ZC3HC1: variants seen among roughly 807,000 people sequenced by gnomAD.
ZC3HC1 encodes the protein zinc finger C3HC-type protein 1.
Under a neutral mutation model 61.9 loss-of-function variants are expected in ZC3HC1, and 38 were observed. That is an observed-to-expected ratio of 0.61 (90% CI 0.47 to 0.81). The LOEUF (loss-of-function observed/expected upper bound fraction) is 0.81, where lower values mean the gene tolerates loss of function less well. ZC3HC1 is among the 30% of genes least tolerant of loss of function. ZC3HC1 has a pLI of 0.00. For missense variants in ZC3HC1, 554 were observed against 622.7 expected, an observed-to-expected ratio of 0.89 and a Z score of 1.17; for synonymous variants, 213 against 229.9, an observed-to-expected ratio of 0.93 and a Z score of 0.67.
rs532921595 is a variant in ZC3HC1, at chr7:130,051,194, G to T, written c.146+27C>A. ...AAGCCTTCTTCAATCTTCCAACGCC[G>T]GACCCAGGGTTAACTCGTGAACTCA... On this transcript the variant is annotated intron_variant, in intron 1 of 9. Transcript: ENST00000358303. The T allele has an allele frequency of 2.0e-5, 31 of 1,570,608 alleles. No individual in the cohort carries two copies. The South Asian group carries it at 3.4e-4, about 17-fold the overall frequency.
intron 1 of ZC3HC1, chr7:130,050,357 C>G: frequency 1.4e-6 from 2 of 1,446,790 alleles, no homozygotes; most frequent in South Asian, 2.5e-5. Flanking sequence ...GGATTATAGG[C>G]GTGAGCCACC....
chr7:130,020,279 T>C (rs1194300841), intron 9 of ZC3HC1, among the ~76,000 whole-genome samples: 5 of 151,340 alleles, frequency 3.3e-5, no homozygotes, highest in South Asian at 2.1e-4. Flanking sequence ...TTTTTCTTTT[T>C]TTTTTTTTTT....
Position 130,039,477 on chromosome 7 carries a change from G to A in ZC3HC1, c.480C>T (p.Asp160=), listed in dbSNP as rs1794561294. The change falls in exon 4 of 10, where the codon GAC becomes GAT. Residue 160 remains aspartate, a synonymous_variant. Transcript: ENST00000358303. ...TAHEKFCFWP[D]SPSPDRFGML... is the part of the protein sequence containing the mutation. ...AAAAATAAGTACCTGGGGATGGGCT[G>A]TCTGGCCAGAAACAGAACTTCTCAT... The A allele has an allele frequency of 6.2e-7, 1 of 1,611,984 alleles. No individual in the cohort carries two copies. The highest frequency in any genetic ancestry group is 8.5e-7 in the Non-Finnish European group (1 of 1,179,434).
rs772552835 is a variant in ZC3HC1 at position 130,051,306 on chromosome 7, C to G, written c.61G>C (p.Val21Leu). ...GGGGTCCCTTCTGGGGAGCGAACTA[C>G]TGCACCCCAATTCTTTTCAACCCCT... The part of the protein sequence containing the change: ...AVGVEKNWGA[V>L]VRSPEGTPQK... The change falls in exon 1 of 10, where the codon GTA becomes CTA. Residue 21 changes from valine (V) to leucine (L), a missense_variant. Physicochemically the swap from Val to Leu is conservative, Grantham distance 32 (BLOSUM62 1). Coordinates refer to ENST00000358303, the MANE Select transcript of ZC3HC1 (RefSeq NM_016478.5). The G allele has an allele frequency of 3.1e-6, 5 of 1,613,360 alleles. No individual in the cohort carries two copies. In the South Asian group the frequency reaches 5.5e-5, roughly 18 times the overall value.
chr7:130,051,341 G>C lies in ZC3HC1; in HGVS notation c.26C>G (p.Ala9Gly), dbSNP rs774267581. MAAPCEGQ[A>G]FAVGVEKNWG... ...ATTCTTTTCAACCCCTACGGCAAAC[G>C]CTTGTCCCTCACAGGGCGCCGCCAT... Residue 9 changes from alanine (A) to glycine (G), a missense_variant, in exon 1 of 10, where the codon GCG (alanine) becomes GGG (glycine). Transcript: ENST00000358303. The C allele has an allele frequency of 6.2e-7, 1 of 1,613,124 alleles. No homozygotes were observed. The highest frequency in any genetic ancestry group is 1.1e-5 in the South Asian group (1 of 90,900).
chr7:130,048,302 A>G (rs1282855007), intron 2 of ZC3HC1, among the ~76,000 whole-genome samples: 1 of 151,926 alleles, frequency 6.6e-6, no homozygotes, highest in Non-Finnish European at 1.5e-5. Flanking sequence ...AGTGAGCACC[A>G]CCACACCTGG....
chr7:130,045,487 G>T (rs1234726148), intron 2 of ZC3HC1: 5 of 457,272 alleles, frequency 1.1e-5, no homozygotes, highest in Middle Eastern at 3.2e-4. Context: ...AACCTCTATG[G>T]TCTATAGGAG....
chr7:130,035,600 C>T (rs1436251996), intron 4 of ZC3HC1, among the ~76,000 whole-genome samples: 1 of 151,968 alleles, frequency 6.6e-6, no homozygotes, highest in Non-Finnish European at 1.5e-5. Flanking sequence ...CCTGCCTCAA[C>T]ATCCCCTAGT....
At chr7:130,038,308 G>A (rs1794501636) in intron 4 of ZC3HC1, among the ~76,000 whole-genome samples, 2 of 152,312 alleles carry the variant, frequency 1.3e-5, no homozygotes, top group South Asian at 4.1e-4. Context: ...TGCTGTGATA[G>A]TGTACTGTTT....
chr7:130,020,489 T>A (rs1793592031), intron 9 of ZC3HC1, among the ~76,000 whole-genome samples: 1 of 151,968 alleles, frequency 6.6e-6, no homozygotes, highest in African/African-American at 2.4e-5. Context: ...CTCGAACTCC[T>A]GACCTCAGGT....
intron 4 of ZC3HC1, among the ~76,000 whole-genome samples, chr7:130,038,731 G>A (rs796553988): frequency 2.0e-4 from 30 of 151,934 alleles, no homozygotes; most frequent in African/African-American, 7.2e-4. Flanking sequence ...GTGGCAGCGT[G>A]TACCTGTAAT....
chr7:130,031,772 G>A (rs1794206070), intron 4 of ZC3HC1, among the ~76,000 whole-genome samples: 1 of 152,166 alleles, frequency 6.6e-6, no homozygotes, highest in African/African-American at 2.4e-5. Flanking sequence ...TGATGCTGAG[G>A]TTCTGCACAA....
In ZC3HC1 at chr7:130,023,377, A is replaced by C. The variant is rs1399993586; in HGVS notation, c.1233+134T>G. On this transcript the variant is annotated intron_variant, in intron 8 of 9. Transcript: ENST00000358303. This position sits in a 1 kb window ranked among gnomAD's most constrained non-coding sequence, Gnocchi z 4.2. ...GACATTTTTTCCCTTTGGTCATCCAACTTTAAATTTATTCACATGGTCTAC... is the reference window on the plus strand; with the variant it reads ...GACATTTTTTCCCTTTGGTCATCCACCTTTAAATTTATTCACATGGTCTAC... 1.5e-5 allele frequency: 13 copies of C among 877,710 alleles called. 1 individual carries two copies. The Admixed American group carries it at 3.4e-4, about 23-fold the overall frequency. The allele number at this position is 877,710 out of a possible 1,614,324, so 54.4% of individuals were successfully genotyped here. A position where few individuals can be genotyped will look rare whatever the true frequency, so the allele number is the denominator to read the frequency against.
At chr7:130,037,123 C>A (rs1010808311) in intron 4 of ZC3HC1, among the ~76,000 whole-genome samples, 1 of 152,140 alleles carries the variant, frequency 6.6e-6, no homozygotes, top group Admixed American at 6.6e-5. Context: ...TTGGGAACCA[C>A]CAATAGAGCC....
At chr7:130,028,082 G>A (rs1262459324) in intron 5 of ZC3HC1, among the ~76,000 whole-genome samples, 3 of 129,414 alleles carry the variant, frequency 2.3e-5, no homozygotes, top group East Asian at 2.5e-4. Flanking sequence ...CAGAAGAATC[G>A]CTTGAACCCA....
At chr7:130,031,695 G>A (rs990240276) in intron 4 of ZC3HC1, among the ~76,000 whole-genome samples, 3 of 152,156 alleles carry the variant, frequency 2.0e-5, no homozygotes, top group Non-Finnish European at 4.4e-5. Context: ...AAGGACATGT[G>A]CAGGTATAGA....
chr7:130,038,825 A>C (rs1794528101), intron 4 of ZC3HC1, among the ~76,000 whole-genome samples: 1 of 142,126 alleles, frequency 7.0e-6, no homozygotes, highest in South Asian at 2.3e-4. Flanking sequence ...GTGCCACCTC[A>C]CTGCAGCCTG....
chr7:130,048,883 T>C (rs1325507408), intron 2 of ZC3HC1, 150 bp downstream of exon 2: 1 of 505,370 alleles, frequency 2.0e-6, no homozygotes, highest in African/African-American at 2.0e-5. Flanking sequence ...TCCCTCTGAG[T>C]GATAACATAT....
intron 9 of ZC3HC1, 150 bp from the exon 10 acceptor site, chr7:130,018,882 C>T (rs997117869): frequency 2.4e-5 from 15 of 615,910 alleles, no homozygotes; most frequent in Admixed American, 6.2e-5. Flanking sequence ...TAAAGTCAGA[C>T]TAAAGATCGA....
Sources: allele counts gnomAD v4.1 joint callset (sites outside exome capture counted in the v4.1 genomes callset), GRCh38; gene constraint gnomAD v4.1.1; non-coding constraint Gnocchi (gnomAD v3.1); transcripts MANE v1.5; gene names NCBI Gene and HGNC (gene_info 2026-07-23, HGNC 2026-07-21).